Variants in MAST4 observed in about 807,000 individuals in gnomAD.
The protein encoded by MAST4 is microtubule associated serine/threonine kinase family member 4, also known as microtubule-associated serine/threonine-protein kinase 4.
In MAST4, 89 loss-of-function variants were observed where a neutral mutation model predicts 162.7. The observed-to-expected ratio is 0.55, with a 90% CI of 0.46 to 0.65. The LOEUF is 0.65. Ranked by LOEUF, MAST4 falls within the 30% of genes least tolerant of loss-of-function variation. The pLI is 0.00. For missense variants in MAST4, 3,153 were observed against 3,374.0 expected, an observed-to-expected ratio of 0.93 and a Z score of 1.62; for synonymous variants, 1,479 against 1,361.1, an observed-to-expected ratio of 1.09 and a Z score of -1.91.
intron 3 of MAST4, among the ~76,000 whole-genome samples, chr5:66,861,215 C>T (rs2149839341): frequency 6.6e-6 from 1 of 152,260 alleles, no homozygotes; most frequent in Middle Eastern, 3.4e-3. Flanking sequence ...GGCTCTAGTG[C>T]TTTCATTCAA....
Position 66,620,483 on chromosome 5 carries a change from G to A in MAST4, c.363+23465G>A, listed in dbSNP as rs1744005801. Among the ~76,000 whole-genome samples, 3 of 151,996 alleles carry A rather than the reference G, an allele frequency of 2.0e-5. No individual in the cohort carries two copies. In the South Asian group the frequency reaches 6.2e-4, roughly 31 times the overall value. ...TCTCTAATACTTGCCGTTAATAATG[G>A]CATTGAACCCTAACTGATAGCCTTT... On this transcript the variant is annotated intron_variant, in intron 1 of 28. Coordinates refer to ENST00000403625, the MANE Select transcript of MAST4 (RefSeq NM_001164664.2).
rs373658055 is a variant in MAST4 at position 66,657,915 on chromosome 5, A to G, written c.363+60897A>G. Among the ~76,000 whole-genome samples the G allele has an allele frequency of 1.8e-4, 27 of 152,358 alleles. No homozygotes were observed. The East Asian group carries it at 3.5e-3, about 20-fold the overall frequency. ...TGAGGAAAGTAAAAAGTTGAAACAT[A>G]CTTCTTAAAATCCTCCATAGTGCTT... On this transcript the variant is annotated intron_variant, in intron 1 of 28. Coordinates refer to ENST00000403625, the MANE Select transcript of MAST4 (RefSeq NM_001164664.2).
chr5:66,798,112 T>A (rs1322149209), intron 3 of MAST4, among the ~76,000 whole-genome samples: 1 of 152,194 alleles, frequency 6.6e-6, no homozygotes, highest in African/African-American at 2.4e-5. Flanking sequence ...TCCGGTACTT[T>A]AGCCAAAAGG....
chr5:66,644,180 A>T (rs1005458379), intron 1 of MAST4, among the ~76,000 whole-genome samples: 3 of 151,880 alleles, frequency 2.0e-5, no homozygotes, highest in African/African-American at 7.3e-5. Flanking sequence ...TACTAGATGT[A>T]TGTATGAACA....
At chr5:66,971,840 AT>A (rs1006565793) in intron 4 of MAST4, among the ~76,000 whole-genome samples, 7 of 152,144 alleles carry the variant, frequency 4.6e-5, no homozygotes, top group Non-Finnish European at 8.8e-5. Flanking sequence ...ATTTCACATC[AT>A]TTTAAAAATC....
chr5:66,907,622 G>C (rs1265423671), intron 4 of MAST4, among the ~76,000 whole-genome samples: 1 of 150,824 alleles, frequency 6.6e-6, no homozygotes, highest in South Asian at 2.1e-4. Flanking sequence ...GTGTGTGTGT[G>C]TGTGTGTGTG....
intron 1 of MAST4, among the ~76,000 whole-genome samples, chr5:66,757,264 C>T (rs1753595199): frequency 6.6e-6 from 1 of 152,140 alleles, no homozygotes; most frequent in Non-Finnish European, 1.5e-5. Flanking sequence ...GTATTTTATG[C>T]AGCTGTCACT....
intron 3 of MAST4, among the ~76,000 whole-genome samples, chr5:66,881,827 C>G (rs554589797): frequency 1.3e-5 from 2 of 152,272 alleles, no homozygotes; most frequent in South Asian, 4.1e-4. Flanking sequence ...TCATTTGCCC[C>G]CAAGTCCCCT....
chr5:67,110,324 C>T (rs1459351798), intron 11 of MAST4, 125 bp downstream of exon 11: 3 of 676,038 alleles, frequency 4.4e-6, no homozygotes, highest in South Asian at 1.7e-5. Context: ...GGAATTACAA[C>T]TTGTGAACGT....
intron 4 of MAST4, among the ~76,000 whole-genome samples, chr5:67,029,360 A>G (rs1423378059): frequency 6.6e-6 from 1 of 152,148 alleles, no homozygotes; most frequent in African/African-American, 2.4e-5. Flanking sequence ...CCATAGAGCC[A>G]TCCTTATACT....
At chr5:66,801,475 A>C (rs1755919556) in intron 3 of MAST4, among the ~76,000 whole-genome samples, 1 of 152,362 alleles carries the variant, frequency 6.6e-6, no homozygotes, top group African/African-American at 2.4e-5. Flanking sequence ...AGATGTTAAA[A>C]AATGAAAACT....
intron 4 of MAST4, among the ~76,000 whole-genome samples, chr5:67,049,061 G>GTGTATA (rs538379189): frequency 5.3e-5 from 4 of 75,914 alleles, no homozygotes; most frequent in Admixed American, 1.4e-4. Context: ...ATATATATAC[G>GTGTATA]TATATATATA....
chr5:66,617,801 A>G (rs558322658), intron 1 of MAST4, among the ~76,000 whole-genome samples: 46 of 152,320 alleles, frequency 3.0e-4, no homozygotes, highest in African/African-American at 1.0e-3. Flanking sequence ...TGGAAAGGCC[A>G]GTGACCATTA....
At chr5:67,051,682 A>T (rs1446840904) in intron 4 of MAST4, among the ~76,000 whole-genome samples, 1 of 152,148 alleles carries the variant, frequency 6.6e-6, no homozygotes, top group Non-Finnish European at 1.5e-5. Context: ...TAGGATTTTA[A>T]AAGTATTTAG....
intron 1 of MAST4, among the ~76,000 whole-genome samples, chr5:66,643,957 T>C (rs1745653369): frequency 6.6e-6 from 1 of 151,706 alleles, no homozygotes; most frequent in African/African-American, 2.4e-5. Context: ...TGATCAAGAG[T>C]TATATTAGTC....
intron 4 of MAST4, chr5:66,959,181 C>T: frequency 1.3e-6 from 1 of 778,604 alleles, no homozygotes; most frequent in Non-Finnish European, 2.4e-6. Flanking sequence ...GGCTCTCTGT[C>T]ATCACCGGGA....
intron 1 of MAST4, among the ~76,000 whole-genome samples, chr5:66,703,016 T>C (rs1749879723): frequency 6.6e-6 from 1 of 152,072 alleles, no homozygotes; most frequent in East Asian, 1.9e-4. Flanking sequence ...CCTGGACCTA[T>C]TTGAAGGGTG....
At position 67,078,916 on chromosome 5, in the gene MAST4, ATATATATAT is replaced by A. The variant is rs1762184632; in HGVS notation, c.764-11245_764-11237del. Among the ~76,000 whole-genome samples, 46 of 65,684 alleles carry A rather than the reference ATATATATAT, an allele frequency of 7.0e-4. 2 individuals are homozygous for A. The highest frequency in any genetic ancestry group is 3.5e-3 in the South Asian group (7 of 1,996). 43.1% of individuals were successfully genotyped at this position (65,684 alleles called of 152,430 possible). Reference sequence around the variant, plus strand: ...TATTTATATATTTTTATATAAATATATATATATATATATATATATATATATATATATATA... The same window carrying A: ...TATTTATATATTTTTATATAAATATAATATATATATATATATATATATATA... On this transcript the variant is annotated intron_variant, in intron 5 of 28. Transcript: ENST00000403625.
intron 5 of MAST4, among the ~76,000 whole-genome samples, chr5:67,074,457 A>C (rs1761356349): frequency 6.6e-6 from 1 of 152,218 alleles, no homozygotes; most frequent in Non-Finnish European, 1.5e-5. Flanking sequence ...TAATTTAAGG[A>C]AATAATCAGA....
Sources: gnomAD v4.1 joint callset for allele counts (sites outside exome capture counted in the v4.1 genomes callset) on GRCh38, gnomAD v4.1.1 for gene constraint, MANE v1.5 for transcripts, NCBI Gene and HGNC (gene_info 2026-07-23, HGNC 2026-07-21) for gene names.